The following LRRTM4 variants were observed in gnomAD, a reference collection of about 807,000 sequenced individuals.
LRRTM4 encodes the protein leucine-rich repeat transmembrane neuronal protein 4.
LRRTM4 carries 25 observed loss-of-function variants against 47.6 expected under a neutral mutation model. The ratio of observed to expected loss-of-function variants is 0.53; its 90% CI spans 0.38 to 0.73. The LOEUF is 0.73. LRRTM4 is among the 30% of genes least tolerant of loss of function. The probability of loss-of-function intolerance (pLI) is 0.00; values close to 1 mark genes in which losing one functional copy is unlikely to be tolerated. For synonymous variants in LRRTM4, 311 were observed against 269.5 expected (o/e 1.15, Z -1.51); for missense variants, 638 against 713.4 (o/e 0.89, Z 1.20).
At chr2:77,503,051 T>TCA (rs1352036668) in intron 3 of LRRTM4, among the ~76,000 whole-genome samples, 48 of 151,454 alleles carry the variant, frequency 3.2e-4, no homozygotes, top group African/African-American at 1.2e-3. Context: ...AGGGTTTTTT[T>TCA]TTTTTAGCTT....
intron 3 of LRRTM4, among the ~76,000 whole-genome samples, chr2:77,183,057 T>C (rs1673393476): frequency 6.6e-6 from 1 of 152,116 alleles, no homozygotes; most frequent in Admixed American, 6.6e-5. Context: ...CCAAAAGCAA[T>C]GGCAACAAAA....
At chr2:76,994,061 A>G (rs1423173558) in intron 3 of LRRTM4, among the ~76,000 whole-genome samples, 1 of 151,932 alleles carries the variant, frequency 6.6e-6, no homozygotes, top group African/African-American at 2.4e-5. Context: ...AACATTGGGT[A>G]CTCGTGGACA....
chr2:76,823,783 AAG>A lies in LRRTM4; in HGVS notation c.1552-74869_1552-74868del, dbSNP rs1464866483. On this transcript the variant is annotated intron_variant, in intron 3 of 3. Coordinates refer to ENST00000409884, the MANE Select transcript of LRRTM4 (RefSeq NM_001134745.3). ...TCTAGATATCAAAAAATAAAAGTCA[AAG>A]AGCAGAGAAAATGTTGGAGAATGTT... is the stretch of plus-strand genomic sequence containing the variant. 2.0e-5 allele frequency among the ~76,000 whole-genome samples: 3 copies of A among 151,574 alleles called. No individual in the cohort carries two copies. The Admixed American group carries it at 2.0e-4, about 10-fold the overall frequency.
intron 3 of LRRTM4, among the ~76,000 whole-genome samples, chr2:77,023,006 C>G (rs954535598): frequency 6.6e-6 from 1 of 152,250 alleles, no homozygotes; most frequent in Admixed American, 6.5e-5. Context: ...GAGCCCTGCT[C>G]CTGCAGCAAA....
At chr2:77,114,572 C>A (rs1436459024) in intron 3 of LRRTM4, among the ~76,000 whole-genome samples, 1 of 152,098 alleles carries the variant, frequency 6.6e-6, no homozygotes, top group African/African-American at 2.4e-5. Context: ...AAAAGAAAAA[C>A]CATGTTGGCA....
intron 3 of LRRTM4, among the ~76,000 whole-genome samples, chr2:77,091,299 C>G (rs376171013): frequency 7.3e-6 from 1 of 137,592 alleles, no homozygotes; most frequent in Non-Finnish European, 1.5e-5. Flanking sequence ...CCTTGGCGAC[C>G]GATCATGCAC....
chr2:76,954,656 G>T (rs942435639), intron 3 of LRRTM4, among the ~76,000 whole-genome samples: 1 of 151,758 alleles, frequency 6.6e-6, no homozygotes, highest in African/African-American at 2.4e-5. Context: ...TCTGAAATCT[G>T]GGGAAAGAAA....
intron 3 of LRRTM4, among the ~76,000 whole-genome samples, chr2:77,012,243 C>T (rs986313987): frequency 1.3e-5 from 2 of 151,830 alleles, no homozygotes; most frequent in East Asian, 1.9e-4. Flanking sequence ...TGGAATAATT[C>T]GTTAGAAATA....
intron 3 of LRRTM4, among the ~76,000 whole-genome samples, chr2:77,205,242 T>G (rs1411862114): frequency 1.3e-5 from 2 of 152,202 alleles, no homozygotes; most frequent in Non-Finnish European, 2.9e-5. Flanking sequence ...TGTTTTGTTT[T>G]CATGGAGATT....
intron 3 of LRRTM4, among the ~76,000 whole-genome samples, chr2:76,983,432 G>C (rs1404152825): frequency 6.6e-6 from 1 of 151,912 alleles, no homozygotes; most frequent in Admixed American, 6.6e-5. Context: ...TCATGGTAGT[G>C]AATAAGTCTC....
intron 3 of LRRTM4, among the ~76,000 whole-genome samples, chr2:77,073,784 T>C (rs1371639946): frequency 6.6e-6 from 1 of 152,038 alleles, no homozygotes; most frequent in African/African-American, 2.4e-5. Context: ...TATACAAATA[T>C]ATATTTCACT....
intron 3 of LRRTM4, among the ~76,000 whole-genome samples, chr2:77,077,959 G>A (rs1015972607): frequency 3.3e-5 from 5 of 152,110 alleles, no homozygotes; most frequent in African/African-American, 4.8e-5. Context: ...GAGACACAAA[G>A]AAGTAATTTG....
intron 3 of LRRTM4, among the ~76,000 whole-genome samples, chr2:77,255,645 A>T (rs1177175909): frequency 1.3e-5 from 2 of 152,106 alleles, no homozygotes; most frequent in Non-Finnish European, 2.9e-5. Flanking sequence ...ATATTTGGAA[A>T]TTAAATCACA....
At chr2:77,321,418 G>T (rs1191175332) in intron 3 of LRRTM4, among the ~76,000 whole-genome samples, 2 of 151,920 alleles carry the variant, frequency 1.3e-5, no homozygotes, top group Non-Finnish European at 2.9e-5. Context: ...GAAGGCAATT[G>T]TGAGTTCAGG....
chr2:77,121,471 A>AAC (rs762594102), intron 3 of LRRTM4, among the ~76,000 whole-genome samples: 3 of 151,866 alleles, frequency 2.0e-5, no homozygotes, highest in Non-Finnish European at 4.4e-5. Context: ...CACATTTAAA[A>AAC]ACACATATCT....
intron 3 of LRRTM4, among the ~76,000 whole-genome samples, chr2:77,501,227 T>C (rs1203268664): frequency 6.6e-6 from 1 of 150,802 alleles, no homozygotes; most frequent in Non-Finnish European, 1.5e-5. Context: ...AAACATAATT[T>C]AATCTTTTAG....
At chr2:77,441,318 C>CA (rs1675833426) in intron 3 of LRRTM4, among the ~76,000 whole-genome samples, 1 of 152,054 alleles carries the variant, frequency 6.6e-6, no homozygotes, top group Non-Finnish European at 1.5e-5. Flanking sequence ...TGAAGATGCT[C>CA]AAAAAAATAC....
intron 3 of LRRTM4, among the ~76,000 whole-genome samples, chr2:76,973,096 T>C (rs1163815117): frequency 6.6e-6 from 1 of 151,978 alleles, no homozygotes; most frequent in Non-Finnish European, 1.5e-5. Flanking sequence ...ATGGGAAATA[T>C]CATCAAGTAA....
chr2:76,975,763 ACAC>A (rs1331775597), intron 3 of LRRTM4, among the ~76,000 whole-genome samples: 1 of 151,774 alleles, frequency 6.6e-6, no homozygotes, highest in African/African-American at 2.4e-5. Context: ...CCTTCTGATG[ACAC>A]CACATCTGGC....
Sources: gnomAD v4.1 joint callset for allele counts (sites outside exome capture counted in the v4.1 genomes callset) on GRCh38, gnomAD v4.1.1 for gene constraint, MANE v1.5 for transcripts, NCBI Gene and HGNC (gene_info 2026-07-23, HGNC 2026-07-21) for gene names.